Variants in PID1 observed in about 807,000 individuals in gnomAD.
PID1 encodes phosphotyrosine interaction domain containing 1.
PID1 carries 10 observed loss-of-function variants against 19.1 expected under a neutral mutation model. That is an observed-to-expected ratio of 0.52 (90% CI 0.32 to 0.89). PID1 has a LOEUF of 0.89. Ranked by LOEUF, PID1 falls within the 40% of genes least tolerant of loss-of-function variation. The pLI is 0.03. For synonymous variants in PID1, 130 were observed against 116.0 expected, an observed-to-expected ratio of 1.12 and a Z score of -0.78; for missense variants, 248 against 285.3, an observed-to-expected ratio of 0.87 and a Z score of 0.94.
In PID1 at chr2:229,271,114, G is replaced by A; in HGVS notation, c.-71C>T. ...GATCGCGCCGGGGGGCGAGGGGCTG[G>A]GGTCCCGCTTTACATCTGGGGTCGG... On this transcript the variant is annotated 5_prime_UTR_variant, in exon 1 of 3. Transcript: ENST00000392055. 2 of 1,503,446 alleles carry A rather than the reference G, an allele frequency of 1.3e-6. No homozygotes were observed. The highest frequency in any genetic ancestry group is 1.8e-6 in the Non-Finnish European group (2 of 1,113,060). The allele number at this position is 1,503,446 out of a possible 1,614,324, so 93.1% of individuals were successfully genotyped here. A position where few individuals can be genotyped will look rare whatever the true frequency, so the allele number is the denominator to read the frequency against.
chr2:229,256,066 G>T (rs753395212), intron 1 of PID1, among the ~76,000 whole-genome samples: 1 of 152,172 alleles, frequency 6.6e-6, no homozygotes, highest in East Asian at 1.9e-4. Flanking sequence ...GTGAACTTGA[G>T]AGGCAGCTTT....
intron 1 of PID1, among the ~76,000 whole-genome samples, chr2:229,268,185 G>A (rs1273903720): frequency 6.6e-6 from 1 of 152,220 alleles, no homozygotes; most frequent in Non-Finnish European, 1.5e-5. Flanking sequence ...AGGGCAATAG[G>A]TCCCTTTGCC....
chr2:229,099,103 T>C (rs1019530346), intron 2 of PID1, among the ~76,000 whole-genome samples: 4 of 152,280 alleles, frequency 2.6e-5, no homozygotes, highest in South Asian at 2.1e-4. Context: ...CAACAATTTT[T>C]GTGTCTTTCA....
At chr2:229,138,994 A>AGAAAGAAAGAAC (rs1559251049) in intron 2 of PID1, among the ~76,000 whole-genome samples, 1 of 83,412 alleles carries the variant, frequency 1.2e-5, no homozygotes. Context: ...AAAGAAAGAA[A>AGAAAGAAAGAAC]GAAAGAAAGA....
chr2:229,067,617 C>A (rs1694355951), intron 2 of PID1, among the ~76,000 whole-genome samples: 1 of 152,182 alleles, frequency 6.6e-6, no homozygotes, highest in South Asian at 2.1e-4. Flanking sequence ...TCCATCCATA[C>A]TCCTCTGCCC....
At chr2:229,149,480 T>A (rs1690203563) in intron 2 of PID1, among the ~76,000 whole-genome samples, 1 of 152,134 alleles carries the variant, frequency 6.6e-6, no homozygotes, top group Non-Finnish European at 1.5e-5. Flanking sequence ...CACCCCCTGA[T>A]AGTATTTAAG....
intron 2 of PID1, among the ~76,000 whole-genome samples, chr2:229,056,566 A>T (rs1694104884): frequency 6.7e-6 from 1 of 149,670 alleles, no homozygotes; most frequent in Admixed American, 6.7e-5. Context: ...AAGTAAAAAA[A>T]CATATTTCTC....
chr2:229,085,740 G>C (rs1694751579), intron 2 of PID1, among the ~76,000 whole-genome samples: 1 of 152,026 alleles, frequency 6.6e-6, no homozygotes, highest in Non-Finnish European at 1.5e-5. Flanking sequence ...AGTCAATTAA[G>C]TATATGGTTC....
chr2:229,090,871 A>G (rs1357710509), intron 2 of PID1, among the ~76,000 whole-genome samples: 3 of 152,214 alleles, frequency 2.0e-5, no homozygotes, highest in African/African-American at 7.2e-5. Flanking sequence ...ACCTTTTATG[A>G]AACCAGGGTA....
At chr2:229,062,584 G>A (rs552073450) in intron 2 of PID1, among the ~76,000 whole-genome samples, 2 of 151,698 alleles carry the variant, frequency 1.3e-5, no homozygotes, top group Non-Finnish European at 3.0e-5. Flanking sequence ...TGTGATTCTG[G>A]TGATGATGAT....
chr2:229,105,288 T>G (rs968964787), intron 2 of PID1, among the ~76,000 whole-genome samples: 2 of 152,130 alleles, frequency 1.3e-5, no homozygotes, highest in Admixed American at 1.3e-4. Context: ...CAGCGCCATG[T>G]GGAAAGGAAG....
intron 1 of PID1, among the ~76,000 whole-genome samples, chr2:229,263,920 T>A (rs923112686): frequency 6.6e-6 from 1 of 152,184 alleles, no homozygotes; most frequent in African/African-American, 2.4e-5. Context: ...GCTGCTATTG[T>A]TATTATTACT....
chr2:229,112,525 G>A (rs1055183762), intron 2 of PID1, among the ~76,000 whole-genome samples: 4 of 151,866 alleles, frequency 2.6e-5, no homozygotes, highest in African/African-American at 7.3e-5. Context: ...TTGCTCTGTC[G>A]CCCAGGCTGG....
At chr2:229,179,953 T>C (rs983699646) in intron 1 of PID1, among the ~76,000 whole-genome samples, 1 of 152,132 alleles carries the variant, frequency 6.6e-6, no homozygotes, top group Admixed American at 6.5e-5. Context: ...GAGTCCCTCA[T>C]TGGACATATC....
rs1035979157 is a variant in PID1 at position 229,262,682 on chromosome 2, C to T, written c.30+8332G>A. 2.6e-6 allele frequency: 4 copies of T among 1,550,990 alleles called. No homozygotes were observed. In the South Asian group the frequency reaches 3.6e-5, roughly 14 times the overall value. The stretch of plus-strand genomic sequence containing the variant: ...AAAACAACAGAAATTTAATCTCTCA[C>T]CATTTCGGAGGCTGGAAGTCCAAAA... On this transcript the variant is annotated intron_variant, in intron 1 of 2. Coordinates refer to ENST00000392055, the MANE Select transcript of PID1 (RefSeq NM_001100818.2).
At chr2:229,195,340 TACAC>T (rs201104586) in intron 1 of PID1, among the ~76,000 whole-genome samples, 2 of 151,412 alleles carry the variant, frequency 1.3e-5, no homozygotes, top group African/African-American at 4.8e-5. Flanking sequence ...GAAGTATATA[TACAC>T]ACACACACAT....
At chr2:229,185,021 T>A (rs1195676908) in intron 1 of PID1, among the ~76,000 whole-genome samples, 1 of 145,618 alleles carries the variant, frequency 6.9e-6, no homozygotes, top group Non-Finnish European at 1.5e-5. Flanking sequence ...ATATACTATA[T>A]GTATACTATA....
intron 1 of PID1, among the ~76,000 whole-genome samples, chr2:229,213,192 T>G (rs10804351): frequency 3.9e-5 from 6 of 152,112 alleles, no homozygotes; most frequent in Admixed American, 1.3e-4. Context: ...CATTTGTCAC[T>G]GGCAAAATGC....
At chr2:229,105,281 C>T (rs73101237) in intron 2 of PID1, among the ~76,000 whole-genome samples, 6,153 of 152,220 alleles carry the variant, frequency 0.04, 245 homozygotes, top group African/African-American at 0.097. Context: ...CTCAGACCAG[C>T]GCCATGTGGA....
Sources: gnomAD v4.1 joint callset for allele counts (sites outside exome capture counted in the v4.1 genomes callset) on GRCh38, gnomAD v4.1.1 for gene constraint, MANE v1.5 for transcripts, NCBI Gene and HGNC (gene_info 2026-07-23, HGNC 2026-07-21) for gene names.